Variants in PDZD2 observed in about 807,000 individuals in gnomAD.
PDZD2 encodes PDZ domain-containing protein 2.
PDZD2 carries 90 observed loss-of-function variants against 220.7 expected under a neutral mutation model. That is an observed-to-expected ratio of 0.41 (90% CI 0.34 to 0.49). The LOEUF is 0.49. Among genes scored for constraint, PDZD2 ranks in the 20% least tolerant of loss-of-function variants. The pLI, the probability that PDZD2 is intolerant of heterozygous loss-of-function variation, is 0.28. For missense variants in PDZD2, 3,174 were observed against 3,608.5 expected (o/e 0.88, Z 3.08); for synonymous variants, 1,375 against 1,450.5 (o/e 0.95, Z 1.18).
At chr5:31,989,549 A>G (rs897038203) in intron 3 of PDZD2, among the ~76,000 whole-genome samples, 1 of 151,160 alleles carries the variant, frequency 6.6e-6, no homozygotes, top group Admixed American at 6.6e-5. Flanking sequence ...CAGCCTCCCA[A>G]ATAGCTGGGA....
At chr5:31,822,459 C>A in intron 2 of PDZD2, 1 of 388,234 alleles carries the variant, frequency 2.6e-6, no homozygotes, top group Admixed American at 3.8e-5. Flanking sequence ...TTTTTTTTTT[C>A]CCAAATCAAT....
At chr5:31,893,697 G>A (rs1454387396) in intron 2 of PDZD2, among the ~76,000 whole-genome samples, 1 of 152,194 alleles carries the variant, frequency 6.6e-6, no homozygotes. Context: ...ATCACCTTGT[G>A]TAGGCTCTTA....
In PDZD2 at chr5:32,014,939, C is replaced by CTTTTTTTT. The variant is rs746683258; in HGVS notation, c.1407+4470_1407+4477dup. Among the ~76,000 whole-genome samples the CTTTTTTTT allele has an allele frequency of 7.4e-5, 7 of 94,020 alleles. 2 individuals carry two copies. Among genetic ancestry groups the CTTTTTTTT allele is most frequent in the Admixed American group, 1.3e-4 (1 of 7,522 alleles). 61.7% of individuals were successfully genotyped at this position (94,020 alleles called of 152,430 possible). On this transcript the variant is annotated intron_variant, in intron 6 of 24. Coordinates refer to ENST00000438447, the MANE Select transcript of PDZD2 (RefSeq NM_178140.4). ...TGGCCAGGATAGTCTCAATCTCTCT[C>CTTTTTTTT]TTTTTTTTTTTTTTTTTTTTGAGAC...
chr5:31,813,376 G>C (rs919613245), intron 2 of PDZD2, among the ~76,000 whole-genome samples: 6 of 150,384 alleles, frequency 4.0e-5, no homozygotes, highest in Non-Finnish European at 8.8e-5. Flanking sequence ...CGTGAACCCG[G>C]GAGGTGGAGC....
chr5:31,840,581 G>T, intron 2 of PDZD2: 2 of 714,102 alleles, frequency 2.8e-6, no homozygotes, highest in Non-Finnish European at 5.2e-6. Flanking sequence ...CGTGGAGCAG[G>T]CTGGCACTTC....
At chr5:31,826,873 T>C (rs1756259042) in intron 2 of PDZD2, among the ~76,000 whole-genome samples, 1 of 152,116 alleles carries the variant, frequency 6.6e-6, no homozygotes. Context: ...TGAGAAAGAT[T>C]GGATAAACCC....
intron 1 of PDZD2, chr5:31,754,622 A>G (rs1322303970): frequency 6.6e-6 from 1 of 152,194 alleles, no homozygotes; most frequent in Admixed American, 6.5e-5. Context: ...CCAGTAGAGC[A>G]TGCCTTTAAA....
intron 19 of PDZD2, among the ~76,000 whole-genome samples, chr5:32,079,680 G>A (rs145406205): frequency 0.025 from 3,871 of 151,938 alleles, 75 homozygotes; most frequent in Non-Finnish European, 0.042. Flanking sequence ...GCATGTTGGC[G>A]GGCGCCTGTA....
chr5:31,918,332 C>G (rs191498315), intron 2 of PDZD2, among the ~76,000 whole-genome samples: 1 of 152,326 alleles, frequency 6.6e-6, no homozygotes, highest in East Asian at 1.9e-4. Flanking sequence ...TGAAAGGTCA[C>G]TGGCATGTTC....
At chr5:31,846,255 T>C (rs1039899888) in intron 2 of PDZD2, among the ~76,000 whole-genome samples, 3 of 152,192 alleles carry the variant, frequency 2.0e-5, no homozygotes, top group African/African-American at 7.2e-5. Flanking sequence ...TGCCTCAGCC[T>C]CCCGAGTAGC....
At chr5:31,671,001 T>G (rs942909361) in intron 1 of PDZD2, among the ~76,000 whole-genome samples, 1 of 151,978 alleles carries the variant, frequency 6.6e-6, no homozygotes, top group African/African-American at 2.4e-5. Context: ...AGGTTGCTTT[T>G]GGGGGCACGA....
chr5:31,983,827 G>A (rs144678069), intron 3 of PDZD2, among the ~76,000 whole-genome samples, 171 bp downstream of exon 3: 1 of 152,214 alleles, frequency 6.6e-6, no homozygotes, highest in Non-Finnish European at 1.5e-5. Context: ...AGATGACCTC[G>A]CATTGAGAAG....
At chr5:31,945,385 G>A (rs1746545868) in intron 2 of PDZD2, among the ~76,000 whole-genome samples, 1 of 152,184 alleles carries the variant, frequency 6.6e-6, no homozygotes, top group African/African-American at 2.4e-5. Flanking sequence ...GATTCCTAGT[G>A]AAGGAGGGAT....
intron 1 of PDZD2, among the ~76,000 whole-genome samples, chr5:31,689,664 A>G (rs567661581): frequency 1.3e-5 from 2 of 152,126 alleles, no homozygotes; most frequent in South Asian, 4.2e-4. Flanking sequence ...TTGTATCCTT[A>G]GAGTCCTGGG....
At chr5:31,891,963 T>C (rs1741087152) in intron 2 of PDZD2, among the ~76,000 whole-genome samples, 1 of 152,160 alleles carries the variant, frequency 6.6e-6, no homozygotes, top group African/African-American at 2.4e-5. Context: ...CAGGCTGGAC[T>C]GCAGTAGTGC....
At chr5:31,702,333 G>C (rs1259105042) in intron 1 of PDZD2, among the ~76,000 whole-genome samples, 1 of 152,304 alleles carries the variant, frequency 6.6e-6, no homozygotes, top group South Asian at 2.1e-4. Flanking sequence ...AACTACTATA[G>C]CTGTTAAGCG....
At chr5:31,666,225 C>A (rs1007912150) in intron 1 of PDZD2, among the ~76,000 whole-genome samples, 1 of 152,132 alleles carries the variant, frequency 6.6e-6, no homozygotes, top group Admixed American at 6.5e-5. Context: ...GGTTATCCAG[C>A]CAGCCTCAGT....
At chr5:32,063,062 T>TTATTATTATTATTA (rs1263638915) in intron 14 of PDZD2, among the ~76,000 whole-genome samples, 7 of 77,830 alleles carry the variant, frequency 9.0e-5, no homozygotes, top group Non-Finnish European at 1.6e-4. Context: ...TATTATTATT[T>TTATTATTATTATTA]GAGACGGAGT....
chr5:31,698,028 A>G (rs1259396311), intron 1 of PDZD2, among the ~76,000 whole-genome samples: 1 of 151,010 alleles, frequency 6.6e-6, no homozygotes. Context: ...TCAGCCTCCC[A>G]AGTAGCTGGG....
Sources: allele counts gnomAD v4.1 joint callset (sites outside exome capture counted in the v4.1 genomes callset), GRCh38; gene constraint gnomAD v4.1.1; transcripts MANE v1.5; gene names NCBI Gene and HGNC (gene_info 2026-07-23, HGNC 2026-07-21).